Variants in PEPD observed in about 807,000 individuals in gnomAD.
The protein encoded by PEPD is xaa-Pro dipeptidase.
PEPD carries 53 observed loss-of-function variants against 60.7 expected under a neutral mutation model. That is an observed-to-expected ratio of 0.87 (90% confidence interval 0.70 to 1.10). PEPD has a LOEUF of 1.10. Among genes scored for constraint, PEPD ranks in the 50% least tolerant of loss-of-function variants. The pLI, the probability that PEPD is intolerant of heterozygous loss-of-function variation, is 0.00. For missense variants in PEPD, 711 were observed against 711.9 expected, an observed-to-expected ratio of 1.00 and a Z score of 0.01; for synonymous variants, 267 against 284.1, an observed-to-expected ratio of 0.94 and a Z score of 0.60.
At chr19:33,418,245 C>T (rs2145374626) in intron 9 of PEPD, among the ~76,000 whole-genome samples, 1 of 152,372 alleles carries the variant, frequency 6.6e-6, no homozygotes, top group East Asian at 1.9e-4. Context: ...GCGATATTTT[C>T]TGGGTACACA....
chr19:33,487,898 G>A (rs760972682), intron 6 of PEPD, among the ~76,000 whole-genome samples: 10 of 152,146 alleles, frequency 6.6e-5, no homozygotes, highest in East Asian at 1.9e-4. Context: ...GGGGTAGAAC[G>A]AGACCTTTGC....
intron 9 of PEPD, among the ~76,000 whole-genome samples, chr19:33,444,408 C>T (rs912466976): frequency 6.6e-6 from 1 of 151,990 alleles, no homozygotes; most frequent in Admixed American, 6.6e-5. Context: ...GAAAAGGCAG[C>T]GACTGATACA....
intron 9 of PEPD, among the ~76,000 whole-genome samples, chr19:33,450,527 G>A (rs1210766181): frequency 6.6e-6 from 1 of 152,160 alleles, no homozygotes; most frequent in Non-Finnish European, 1.5e-5. Context: ...TCACGCAGGA[G>A]ACAACAAAAG....
At chr19:33,468,524 C>A (rs768630221) in intron 7 of PEPD, among the ~76,000 whole-genome samples, 1 of 152,236 alleles carries the variant, frequency 6.6e-6, no homozygotes, top group African/African-American at 2.4e-5. Context: ...GCGAGGATGG[C>A]GGGAATGCGA....
chr19:33,474,651 T>C (rs1224974035), intron 7 of PEPD, among the ~76,000 whole-genome samples: 1 of 151,808 alleles, frequency 6.6e-6, no homozygotes, highest in African/African-American at 2.4e-5. Flanking sequence ...GCCATTGTAC[T>C]CCAGCCTGGG....
intron 3 of PEPD, among the ~76,000 whole-genome samples, chr19:33,507,967 G>A (rs975934341): frequency 6.6e-6 from 1 of 152,020 alleles, no homozygotes. Flanking sequence ...ATGCCCCCTC[G>A]GGACCAAGGC....
In PEPD at chr19:33,490,059, T is replaced by C; in HGVS notation, c.442-2A>G. ...GCCGCTGTCCGTGTTGACGCCACGC[T>C]GGGGAGAGAGAACACAGACATGACA... On this transcript the variant is annotated splice_acceptor_variant, in intron 5 of 14. Coordinates refer to ENST00000244137, the MANE Select transcript of PEPD (RefSeq NM_000285.4). LOFTEE classifies it high-confidence loss of function. 1 of 1,610,678 alleles carries C rather than the reference T, an allele frequency of 6.2e-7. No homozygotes were observed. Among genetic ancestry groups the C allele is most frequent in the Non-Finnish European group, 8.5e-7 (1 of 1,177,506 alleles).
chr19:33,430,555 A>G (rs1969248033), intron 9 of PEPD, among the ~76,000 whole-genome samples: 1 of 152,194 alleles, frequency 6.6e-6, no homozygotes, highest in African/African-American at 2.4e-5. Flanking sequence ...TACAGCAATA[A>G]GGTTTTGTGT....
intron 6 of PEPD, among the ~76,000 whole-genome samples, chr19:33,489,782 C>T (rs1248377328): frequency 6.6e-6 from 1 of 152,184 alleles, no homozygotes; most frequent in Non-Finnish European, 1.5e-5. Context: ...GAGCACTTTC[C>T]TTATGGAGCA....
At chr19:33,509,846 TG>T (rs1399244045) in intron 3 of PEPD, among the ~76,000 whole-genome samples, 1 of 151,952 alleles carries the variant, frequency 6.6e-6, no homozygotes, top group Non-Finnish European at 1.5e-5. Flanking sequence ...TCCTCGGCGG[TG>T]GGGAGTACCT....
intron 12 of PEPD, 23 bp downstream of exon 12, chr19:33,401,698 C>A: frequency 6.3e-7 from 1 of 1,595,886 alleles, no homozygotes; most frequent in East Asian, 2.3e-5. Context: ...AGATGCGCCT[C>A]CCCCCACCGA....
At chr19:33,420,357 C>T (rs1968986465) in intron 9 of PEPD, among the ~76,000 whole-genome samples, 1 of 137,184 alleles carries the variant, frequency 7.3e-6, no homozygotes, top group Non-Finnish European at 1.6e-5. Context: ...TTCTTCCAGG[C>T]ATTTTTTTTA....
chr19:33,434,699 T>G (rs1969341454), intron 9 of PEPD, among the ~76,000 whole-genome samples: 1 of 151,644 alleles, frequency 6.6e-6, no homozygotes, highest in Non-Finnish European at 1.5e-5. Flanking sequence ...ATTTACTGGG[T>G]GGGGAGAAAG....
At chr19:33,453,079 C>T (rs1339118172) in intron 9 of PEPD, among the ~76,000 whole-genome samples, 1 of 152,118 alleles carries the variant, frequency 6.6e-6, no homozygotes, top group Non-Finnish European at 1.5e-5. Context: ...CCCGGCACTT[C>T]GGGAGGCCGT....
intron 9 of PEPD, among the ~76,000 whole-genome samples, chr19:33,419,723 G>A (rs1395287899): frequency 6.6e-6 from 1 of 152,232 alleles, no homozygotes; most frequent in Non-Finnish European, 1.5e-5. Flanking sequence ...CATGGCTAAC[G>A]CCTTCCGGAG....
chr19:33,445,405 C>T (rs1429870567), intron 9 of PEPD, among the ~76,000 whole-genome samples: 1 of 152,222 alleles, frequency 6.6e-6, no homozygotes, highest in African/African-American at 2.4e-5. Context: ...GGAGACGGTG[C>T]TTTAAACAGG....
At position 33,391,213 on chromosome 19, in the gene PEPD, C is replaced by T; in HGVS notation, c.1152+82G>A. ...CCATCCCAATACACGCCTGCTGCCT[C>T]CTAGAGTCCCACCCTGCCCTGGGGG... On this transcript the variant is annotated intron_variant, in intron 13 of 14. Transcript: ENST00000244137. 4 of 1,151,928 alleles carry T rather than the reference C, an allele frequency of 3.5e-6. No homozygotes were observed. In the South Asian group the frequency reaches 5.1e-5, roughly 15 times the overall value. 71.4% of individuals were successfully genotyped at this position (1,151,928 alleles called of 1,614,324 possible).
intron 10 of PEPD, 132 bp downstream of exon 10, chr19:33,413,443 G>C (rs1568458796): frequency 3.0e-6 from 2 of 658,846 alleles, no homozygotes; most frequent in Non-Finnish European, 5.6e-6. Flanking sequence ...TTCCAAGCTT[G>C]GGCCGGGCGC....
chr19:33,424,663 G>C (rs1160962915), intron 9 of PEPD, among the ~76,000 whole-genome samples: 1 of 152,102 alleles, frequency 6.6e-6, no homozygotes, highest in Non-Finnish European at 1.5e-5. Flanking sequence ...AATCTAGTGA[G>C]ACCCGGTATT....
Sources: gnomAD v4.1 joint callset for allele counts (sites outside exome capture counted in the v4.1 genomes callset) on GRCh38, gnomAD v4.1.1 for gene constraint, MANE v1.5 for transcripts, NCBI Gene and HGNC (gene_info 2026-07-23, HGNC 2026-07-21) for gene names.